The following NDUFAF2 variants were observed in gnomAD, a reference collection of about 807,000 sequenced individuals.
NDUFAF2 encodes NADH:ubiquinone oxidoreductase complex assembly factor 2.
Under a neutral mutation model 22.8 loss-of-function variants are expected in NDUFAF2, and 13 were observed. That is an observed-to-expected ratio of 0.57 (90% CI 0.37 to 0.91). The LOEUF is 0.91. Ranked by LOEUF, NDUFAF2 falls within the 40% of genes least tolerant of loss-of-function variation. The pLI, the probability that NDUFAF2 is intolerant of heterozygous loss-of-function variation, is 0.01. For synonymous variants in NDUFAF2, 53 were observed against 64.2 expected (o/e 0.83, Z 0.84); for missense variants, 162 against 195.2 (o/e 0.83, Z 1.01).
intron 1 of NDUFAF2, among the ~76,000 whole-genome samples, chr5:60,948,071 A>G (rs1475160193): frequency 6.6e-6 from 1 of 152,192 alleles, no homozygotes; most frequent in Non-Finnish European, 1.5e-5. Context: ...CCATCAACAC[A>G]GTCAAGAAAA....
intron 3 of NDUFAF2, among the ~76,000 whole-genome samples, chr5:61,122,364 A>G (rs1165812625): frequency 6.6e-6 from 1 of 152,192 alleles, no homozygotes; most frequent in Admixed American, 6.5e-5. Context: ...ACTGGTATAT[A>G]AAGTGTTTAG....
intron 1 of NDUFAF2, among the ~76,000 whole-genome samples, chr5:61,069,301 T>G (rs1044851971): frequency 6.6e-6 from 1 of 152,176 alleles, no homozygotes; most frequent in Non-Finnish European, 1.5e-5. Flanking sequence ...TCCTGCTGGT[T>G]GTATTGGTTT....
intron 1 of NDUFAF2, among the ~76,000 whole-genome samples, chr5:60,963,721 A>G (rs757689954): frequency 6.6e-6 from 1 of 152,232 alleles, no homozygotes; most frequent in Non-Finnish European, 1.5e-5. Flanking sequence ...AAGGAATCAG[A>G]TGGTTTTAAA....
intron 1 of NDUFAF2, among the ~76,000 whole-genome samples, chr5:60,946,873 A>G (rs141619644): frequency 6.6e-6 from 1 of 152,302 alleles, no homozygotes; most frequent in Non-Finnish European, 1.5e-5. Context: ...AGAATATCAT[A>G]TAAATGGAAT....
At chr5:61,135,914 A>C (rs1311756728) in intron 3 of NDUFAF2, among the ~76,000 whole-genome samples, 2 of 149,392 alleles carry the variant, frequency 1.3e-5, no homozygotes, top group African/African-American at 5.0e-5. Context: ...TTTGGAATGC[A>C]GATTTTTACT....
intron 1 of NDUFAF2, among the ~76,000 whole-genome samples, chr5:61,062,241 G>A (rs749342137): frequency 3.9e-5 from 6 of 152,066 alleles, no homozygotes; most frequent in Non-Finnish European, 8.8e-5. Flanking sequence ...TTGTCTAAAA[G>A]AAATTCAAAA....
At chr5:60,956,662 A>G (rs982007241) in intron 1 of NDUFAF2, among the ~76,000 whole-genome samples, 9 of 152,076 alleles carry the variant, frequency 5.9e-5, no homozygotes, top group African/African-American at 2.2e-4. Flanking sequence ...TGTATATGTT[A>G]TCTCAATTTT....
chr5:61,129,397 G>A (rs1753079236), intron 3 of NDUFAF2, among the ~76,000 whole-genome samples: 2 of 152,090 alleles, frequency 1.3e-5, no homozygotes, highest in South Asian at 4.1e-4. Context: ...CAACCCAAAT[G>A]TCCAACAATG....
intron 1 of NDUFAF2, among the ~76,000 whole-genome samples, chr5:60,950,997 G>GT (rs1433472194): frequency 6.6e-6 from 1 of 151,758 alleles, no homozygotes; most frequent in Non-Finnish European, 1.5e-5. Flanking sequence ...TTTCCTCCAT[G>GT]TTTTTTTGTG....
intron 1 of NDUFAF2, among the ~76,000 whole-genome samples, chr5:61,017,067 A>G (rs778688188): frequency 7.2e-5 from 11 of 152,222 alleles, no homozygotes; most frequent in Admixed American, 2.0e-4. Flanking sequence ...CATTTGCCTC[A>G]AATCAAAAGC....
chr5:61,078,410 A>G (rs1297095415), intron 2 of NDUFAF2, among the ~76,000 whole-genome samples: 1 of 152,166 alleles, frequency 6.6e-6, no homozygotes, highest in African/African-American at 2.4e-5. Flanking sequence ...AAGAAGAAAG[A>G]CATGGAACAG....
At chr5:60,971,736 G>C (rs1353220944) in intron 1 of NDUFAF2, among the ~76,000 whole-genome samples, 5 of 151,822 alleles carry the variant, frequency 3.3e-5, no homozygotes, top group African/African-American at 9.7e-5. Context: ...CCTTGTGTTA[G>C]TTTGCTGACA....
In NDUFAF2 at chr5:61,028,721, G is replaced by A. The variant is rs374192382; in HGVS notation, c.128-44404G>A. On this transcript the variant is annotated intron_variant, in intron 1 of 3. Transcript: ENST00000296597. ...TTTGTAACATGAATTCCCAGAAATGGCATTGCTATGGCAAAGAATATGTGT... is the reference window on the plus strand; with the variant it reads ...TTTGTAACATGAATTCCCAGAAATGACATTGCTATGGCAAAGAATATGTGT... Among the ~76,000 whole-genome samples, 272 of 152,104 alleles carry A rather than the reference G, an allele frequency of 1.8e-3. 2 individuals are homozygous for A. The highest frequency in any genetic ancestry group is 6.4e-3 in the African/African-American group (264 of 41,518).
intron 2 of NDUFAF2, among the ~76,000 whole-genome samples, chr5:61,089,913 AT>A (rs570175512): frequency 8.7e-5 from 13 of 149,476 alleles, no homozygotes; most frequent in East Asian, 3.9e-4. Flanking sequence ...CAATTGAAGT[AT>A]TTTTTTTTTC....
At chr5:61,035,141 A>G (rs542890316) in intron 1 of NDUFAF2, among the ~76,000 whole-genome samples, 1 of 150,748 alleles carries the variant, frequency 6.6e-6, no homozygotes, top group African/African-American at 2.4e-5. Context: ...ATCTCAGCTT[A>G]CTGCAACCTC....
At chr5:61,043,150 G>A (rs955202586) in intron 1 of NDUFAF2, among the ~76,000 whole-genome samples, 5 of 152,154 alleles carry the variant, frequency 3.3e-5, no homozygotes, top group Non-Finnish European at 7.3e-5. Flanking sequence ...AACTTGGGAG[G>A]CAGGGGTTGC....
At chr5:61,009,077 A>C (rs1006476362) in intron 1 of NDUFAF2, among the ~76,000 whole-genome samples, 1 of 151,982 alleles carries the variant, frequency 6.6e-6, no homozygotes, top group African/African-American at 2.4e-5. Flanking sequence ...TGTTATCTTC[A>C]TAGTTTACAG....
chr5:61,115,517 C>T (rs1262899517), intron 3 of NDUFAF2: 2 of 152,106 alleles, frequency 1.3e-5, no homozygotes, highest in African/African-American at 4.8e-5. Flanking sequence ...TTAATGGAGG[C>T]TTCTATTTGG....
At chr5:61,038,593 AT>A (rs1561548055) in intron 1 of NDUFAF2, among the ~76,000 whole-genome samples, 1 of 152,174 alleles carries the variant, frequency 6.6e-6, no homozygotes, top group Non-Finnish European at 1.5e-5. Context: ...AGCATTGCTA[AT>A]TTTTATAGTA....
Sources: gnomAD v4.1 joint callset for allele counts (sites outside exome capture counted in the v4.1 genomes callset) on GRCh38, gnomAD v4.1.1 for gene constraint, MANE v1.5 for transcripts, NCBI Gene and HGNC (gene_info 2026-07-23, HGNC 2026-07-21) for gene names.